The following VPS8 variants were observed in gnomAD, a reference collection of about 807,000 sequenced individuals.
The protein encoded by VPS8 is VPS8 subunit of CORVET complex, also known as vacuolar protein sorting-associated protein 8 homolog.
In VPS8, 129 loss-of-function variants were observed where a neutral mutation model predicts 216.4. The ratio of observed to expected loss-of-function variants is 0.60; its 90% CI spans 0.52 to 0.69. VPS8 has a LOEUF of 0.69. VPS8 is among the 30% of genes least tolerant of loss of function. The pLI, the probability that VPS8 is intolerant of heterozygous loss-of-function variation, is 0.00. For missense variants in VPS8, 1,531 were observed against 1,683.5 expected, an observed-to-expected ratio of 0.91 and a Z score of 1.59; for synonymous variants, 571 against 565.4, an observed-to-expected ratio of 1.01 and a Z score of -0.14.
chr3:184,894,373 G>T (rs1193993926), intron 22 of VPS8, among the ~76,000 whole-genome samples: 1 of 152,016 alleles, frequency 6.6e-6, no homozygotes, highest in Non-Finnish European at 1.5e-5. Context: ...AGGCCGGAAG[G>T]CTGGGTTCAA....
intron 16 of VPS8, among the ~76,000 whole-genome samples, chr3:184,863,273 C>G (rs1214055534): frequency 6.6e-6 from 1 of 152,204 alleles, no homozygotes; most frequent in South Asian, 2.1e-4. Flanking sequence ...TTCTTCCCTT[C>G]TATTCAGAAA....
intron 40 of VPS8, among the ~76,000 whole-genome samples, chr3:184,977,209 G>A (rs1053981949): frequency 1.3e-5 from 2 of 152,192 alleles, no homozygotes; most frequent in Admixed American, 6.5e-5. Flanking sequence ...GATGATTAGT[G>A]ATGCGTAGCA....
At chr3:184,857,684 C>T (rs1725515878) in intron 14 of VPS8, among the ~76,000 whole-genome samples, 1 of 152,140 alleles carries the variant, frequency 6.6e-6, no homozygotes, top group African/African-American at 2.4e-5. Flanking sequence ...ACTTTAATTA[C>T]TTAGGAACCT....
At chr3:184,894,669 C>G (rs1733053463) in intron 22 of VPS8, 34 bp from the exon 23 acceptor site, 1 of 1,504,948 alleles carries the variant, frequency 6.6e-7, no homozygotes, top group African/African-American at 1.4e-5. Flanking sequence ...TTGGCATGTT[C>G]CTAAAAGTTT....
chr3:184,888,348 T>G (rs1731695467), intron 22 of VPS8, among the ~76,000 whole-genome samples: 1 of 152,108 alleles, frequency 6.6e-6, no homozygotes, highest in Non-Finnish European at 1.5e-5. Context: ...AGAAATTTCT[T>G]TCCGGTGTTA....
At chr3:184,999,882 AAAATGG>A in intron 45 of VPS8, 21 bp downstream of exon 45, 1 of 1,590,666 alleles carries the variant, frequency 6.3e-7, no homozygotes, top group East Asian at 2.2e-5. Context: ...TTTTCGTGGC[AAAATGG>A]AAATGGTCTT....
intron 35 of VPS8, among the ~76,000 whole-genome samples, chr3:184,937,857 G>A (rs1455145267): frequency 6.6e-6 from 1 of 152,200 alleles, no homozygotes; most frequent in African/African-American, 2.4e-5. Flanking sequence ...CTGGAGGGGA[G>A]GAGCTAAACT....
chr3:184,946,100 A>G (rs571828844), intron 36 of VPS8, among the ~76,000 whole-genome samples: 1 of 152,216 alleles, frequency 6.6e-6, no homozygotes, highest in Non-Finnish European at 1.5e-5. Context: ...GGGAAGTCAC[A>G]GATCTTACGA....
intron 30 of VPS8, among the ~76,000 whole-genome samples, chr3:184,925,336 A>ACT (rs1739394962): frequency 6.6e-6 from 1 of 152,362 alleles, no homozygotes; most frequent in South Asian, 2.1e-4. Context: ...CAGTTTACTT[A>ACT]CAAATGACTT....
Position 184,967,819 on chromosome 3 carries a change from G to A in VPS8, c.3316+1106G>A, listed in dbSNP as rs547402319. ...ACCACTGCGGTCCAGCCTGGGTGTC[G>A]CAACAGAGCAAAACTCCATCTCAAA... On this transcript the variant is annotated intron_variant, in intron 39 of 47. Transcript: ENST00000625842. 2.2e-4 allele frequency among the ~76,000 whole-genome samples: 32 copies of A among 143,882 alleles called. No individual in the cohort carries two copies. In the East Asian group the frequency reaches 2.9e-3, roughly 13 times the overall value. The allele number at this position is 143,882 out of a possible 152,430, so 94.4% of individuals were successfully genotyped here. A position where few individuals can be genotyped will look rare whatever the true frequency, so the allele number is the denominator to read the frequency against.
At chr3:184,894,508 GTATATATATATA>G (rs756172890) in intron 22 of VPS8, among the ~76,000 whole-genome samples, 183 bp from the exon 23 acceptor site, 1 of 133,128 alleles carries the variant, frequency 7.5e-6, no homozygotes, top group South Asian at 2.5e-4. Context: ...ATATACACAC[GTATATATATATA>G]TATATATATA....
intron 14 of VPS8, 126 bp downstream of exon 14, chr3:184,855,944 T>A (rs1725172638): frequency 1.5e-6 from 1 of 682,158 alleles, no homozygotes; most frequent in Non-Finnish European, 2.4e-6. Context: ...CTATTTAATT[T>A]TTATCTAAGG....
intron 46 of VPS8, among the ~76,000 whole-genome samples, chr3:185,035,201 A>C (rs1301715104): frequency 6.6e-6 from 1 of 152,154 alleles, no homozygotes; most frequent in East Asian, 1.9e-4. Context: ...AACTGATATC[A>C]ATCCTACTGA....
chr3:184,832,644 A>G (rs773265311), intron 3 of VPS8, 45 bp from the exon 4 acceptor site: 2 of 1,537,072 alleles, frequency 1.3e-6, no homozygotes, highest in South Asian at 1.2e-5. Context: ...CATTTCATAG[A>G]GTATTTGGAT....
intron 1 of VPS8, among the ~76,000 whole-genome samples, chr3:184,816,908 A>AGAATCATGAATCATGATTCT (rs1716445148): frequency 6.6e-6 from 1 of 152,190 alleles, no homozygotes; most frequent in Non-Finnish European, 1.5e-5. Flanking sequence ...ATCATGATTC[A>AGAATCATGAATCATGATTCT]TAGAATCATC....
chr3:184,850,138 T>C, intron 10 of VPS8, 116 bp downstream of exon 10: 1 of 747,484 alleles, frequency 1.3e-6, no homozygotes, highest in Non-Finnish European at 2.1e-6. Context: ...AACATGAAGC[T>C]GAACATTACC....
At chr3:184,875,032 C>T (rs908206808) in intron 21 of VPS8, among the ~76,000 whole-genome samples, 2 of 150,458 alleles carry the variant, frequency 1.3e-5, no homozygotes, top group Non-Finnish European at 3.0e-5. Flanking sequence ...GCAGGATGAC[C>T]AACTGATGGA....
intron 34 of VPS8, among the ~76,000 whole-genome samples, chr3:184,934,979 C>T (rs1741338026): frequency 6.6e-6 from 1 of 152,112 alleles, no homozygotes; most frequent in Admixed American, 6.6e-5. Context: ...TTTGACCCTA[C>T]AGTTTTTCAT....
At chr3:184,865,560 C>T (rs993306219) in intron 16 of VPS8, among the ~76,000 whole-genome samples, 7 of 152,058 alleles carry the variant, frequency 4.6e-5, no homozygotes, top group African/African-American at 1.7e-4. Context: ...TTCACACCCA[C>T]TGGGAAGGCT....
Sources: allele counts gnomAD v4.1 joint callset (sites outside exome capture counted in the v4.1 genomes callset), GRCh38; gene constraint gnomAD v4.1.1; transcripts MANE v1.5; gene names NCBI Gene and HGNC (gene_info 2026-07-23, HGNC 2026-07-21).